The following KICS2 variants were observed in gnomAD, a reference collection of about 807,000 sequenced individuals.
The protein encoded by KICS2 is KICSTOR subunit 2, also known as KICSTOR complex protein C12orf66.
In KICS2, 13 loss-of-function variants were observed where a neutral mutation model predicts 31.4. The observed-to-expected ratio is 0.41, with a 90% CI of 0.27 to 0.66. KICS2 has a LOEUF of 0.66. Ranked by LOEUF, KICS2 falls within the 30% of genes least tolerant of loss-of-function variation. KICS2 has a pLI of 0.28. For missense variants in KICS2, 455 were observed against 545.4 expected (o/e 0.83, Z 1.65); for synonymous variants, 209 against 214.8 (o/e 0.97, Z 0.24).
At chr12:64,214,175 C>T (rs1309437165) in intron 2 of KICS2, among the ~76,000 whole-genome samples, 6 of 152,202 alleles carry the variant, frequency 3.9e-5, no homozygotes. Context: ...CAACCTGGAA[C>T]ACAACTATTC....
intron 2 of KICS2, among the ~76,000 whole-genome samples, chr12:64,212,719 T>C (rs2037592714): frequency 6.6e-6 from 1 of 152,216 alleles, no homozygotes; most frequent in Non-Finnish European, 1.5e-5. Context: ...TTGCTGATCA[T>C]ATGGTAACTA....
intron 2 of KICS2, among the ~76,000 whole-genome samples, chr12:64,199,354 CAT>C (rs1403328074): frequency 1.4e-5 from 1 of 72,672 alleles, no homozygotes; most frequent in African/African-American, 5.0e-5. Flanking sequence ...ACAAAAACCA[CAT>C]GATTATCTCA....
At chr12:64,214,131 T>C (rs1196439065) in intron 2 of KICS2, among the ~76,000 whole-genome samples, 1 of 152,238 alleles carries the variant, frequency 6.6e-6, no homozygotes, top group Non-Finnish European at 1.5e-5. Context: ...CTTTTCATGG[T>C]TCCCCACTGC....
chr12:64,193,911 G>A lies in KICS2; in HGVS notation c.1269C>T (p.Leu423=), dbSNP rs893501920. The change falls in exon 3 of 3, where the codon CTC becomes CTT. Residue 423 remains leucine, a synonymous_variant. Transcript: ENST00000398055. ...TCTTAAGGGCAAGTGAGACCTCATT[G>A]AGGAAGGAAATAAAGTGGGAGTCTC... ...SERDSHFISF[L]NEVSLALKNP... 1.9e-6 allele frequency: 3 copies of A among 1,614,192 alleles called. No individual in the cohort carries two copies. In the Admixed American group the frequency reaches 5.0e-5, roughly 27 times the overall value.
chr12:64,187,494 G>A (rs2037347208), downstream of KICS2: 1 of 742,252 alleles, frequency 1.3e-6, no homozygotes, highest in South Asian at 1.7e-5. Flanking sequence ...ATGCAGACAA[G>A]GCATTAATGA....
At chr12:64,187,262 T>C, downstream of KICS2, 1 of 227,822 alleles carries the variant, frequency 4.4e-6, no homozygotes, top group Non-Finnish European at 8.5e-6. Flanking sequence ...GCAGTCATCT[T>C]TCAGGATGCA....
rs777182409 is a variant in KICS2, at chr12:64,194,415, G to C, written c.765C>G (p.Phe255Leu). ...TGTTTTTGAGTTTCATCAGCCAAAG[G>C]AAAAGGTGTGGAGGCTGCACGGCCT... ...SQKAVQPPHL[F>L]LWLMKLKNML... The change falls in exon 3 of 3, where the codon TTC (phenylalanine) becomes TTG (leucine). Residue 255 changes from phenylalanine (F) to leucine (L), a missense_variant. Coordinates refer to ENST00000398055, the MANE Select transcript of KICS2 (RefSeq NM_152440.5). The C allele has an allele frequency of 4.3e-6, 7 of 1,614,108 alleles. No individual in the cohort carries two copies. In the East Asian group the frequency reaches 1.3e-4, roughly 31 times the overall value.
chr12:64,208,988 T>C (rs763122096), intron 2 of KICS2, among the ~76,000 whole-genome samples: 2 of 151,862 alleles, frequency 1.3e-5, no homozygotes, highest in Non-Finnish European at 2.9e-5. Context: ...AATTTTCTTT[T>C]ATACCCACAA....
chr12:64,194,337 C>G lies in KICS2; in HGVS notation c.843G>C (p.Thr281=), dbSNP rs748065669. Residue 281 remains threonine, a synonymous_variant, in exon 3 of 3, where the codon ACG becomes ACC. Coordinates refer to ENST00000398055, the MANE Select transcript of KICS2 (RefSeq NM_152440.5). The stretch of plus-strand genomic sequence containing the variant: ...TCAACGTTTTCATTTCTGAAGCAGT[C>G]GTTTGTCGGCTCAGAGCCTCATGAA... The part of the protein sequence containing the change: ...FYFHEALSRQ[T]TASEMKTLTA... 35 of 1,614,002 alleles carry G rather than the reference C, an allele frequency of 2.2e-5. No homozygotes were observed. Among genetic ancestry groups the G allele is most frequent in the Admixed American group, 1.0e-4 (6 of 60,004 alleles).
chr12:64,220,398 G>T (rs1183173325), intron 1 of KICS2, among the ~76,000 whole-genome samples: 2 of 152,128 alleles, frequency 1.3e-5, no homozygotes, highest in African/African-American at 4.8e-5. Context: ...TAGAGTAGCA[G>T]ATTTTTTTAA....
intron 1 of KICS2, chr12:64,221,725 C>A: frequency 1.9e-6 from 1 of 530,068 alleles, no homozygotes. Context: ...TTTATGGCAT[C>A]AATCCATGCA....
intron 2 of KICS2, among the ~76,000 whole-genome samples, chr12:64,208,051 C>T (rs1409401193): frequency 6.6e-6 from 1 of 152,160 alleles, no homozygotes; most frequent in African/African-American, 2.4e-5. Context: ...ACTCTGTTGC[C>T]TAGGCTGGAG....
At chr12:64,201,743 T>C (rs2136694481) in intron 2 of KICS2, among the ~76,000 whole-genome samples, 1 of 151,398 alleles carries the variant, frequency 6.6e-6, no homozygotes, top group East Asian at 2.0e-4. Context: ...CTCTGGAGGC[T>C]GAGGCACGAG....
In KICS2 at chr12:64,193,859, G is replaced by C. The variant is rs1336284460; in HGVS notation, c.1321C>G (p.Pro441Ala). ...KNPKVFASLK[P>A]GAKG ...ATCACCTGCTAACCTTTGGCTCCAG[G>C]TTTCAGACTTGCAAACACTTTGGGG... Residue 441 changes from proline to alanine, a missense_variant, in exon 3 of 3, where the codon CCT becomes GCT. By Grantham distance (27) the Pro-to-Ala change is conservative. Coordinates refer to ENST00000398055, the MANE Select transcript of KICS2 (RefSeq NM_152440.5). 13 of 1,613,094 alleles carry C rather than the reference G, an allele frequency of 8.1e-6. No individual in the cohort carries two copies. The highest frequency in any genetic ancestry group is 1.0e-5 in the Non-Finnish European group (12 of 1,179,540).
At chr12:64,218,836 A>G (rs1160152329) in intron 1 of KICS2, among the ~76,000 whole-genome samples, 5 of 152,236 alleles carry the variant, frequency 3.3e-5, no homozygotes, top group African/African-American at 1.2e-4. Context: ...GAAACCAAGT[A>G]AAGTGAAACT....
downstream of KICS2, among the ~76,000 whole-genome samples, chr12:64,188,007 G>T (rs1187857564): frequency 6.6e-6 from 1 of 152,154 alleles, no homozygotes; most frequent in African/African-American, 2.4e-5. Context: ...AGGATTAATT[G>T]TGGTCACCCT....
chr12:64,218,893 C>T (rs1452761270), intron 1 of KICS2, among the ~76,000 whole-genome samples: 1 of 152,148 alleles, frequency 6.6e-6, no homozygotes, highest in Non-Finnish European at 1.5e-5. Flanking sequence ...TCAAACAGTT[C>T]TCTTTTCTCA....
intron 1 of KICS2, chr12:64,221,697 A>G (rs1341813974): frequency 4.3e-6 from 2 of 464,898 alleles, no homozygotes; most frequent in Non-Finnish European, 7.8e-6. Flanking sequence ...ATGAAGACAT[A>G]GTTTGGTTAA....
chr12:64,194,641 A>T lies in KICS2; in HGVS notation c.539T>A (p.Leu180His), dbSNP rs750221764. The T allele has an allele frequency of 4.3e-6, 7 of 1,609,814 alleles. No individual in the cohort carries two copies. In the South Asian group the frequency reaches 7.7e-5, roughly 18 times the overall value. Reference protein sequence around the residue: ...KYSSRFHHPILSPLESSFQLE... With the variant: ...KYSSRFHHPIHSPLESSFQLE... ...CTGGAAACTGCTTTCCAAAGGACTG[A>T]GGATTGGGTGGTGAAATCTAAAGGG... The change falls in exon 3 of 3, where the codon CTC becomes CAC. Residue 180 changes from leucine to histidine, a missense_variant. By Grantham distance (99) the Leu-to-His change is moderately conservative. Coordinates refer to ENST00000398055, the MANE Select transcript of KICS2 (RefSeq NM_152440.5).
Sources: gnomAD v4.1 joint callset for allele counts (sites outside exome capture counted in the v4.1 genomes callset) on GRCh38, gnomAD v4.1.1 for gene constraint, MANE v1.5 for transcripts, NCBI Gene and HGNC (gene_info 2026-07-23, HGNC 2026-07-21) for gene names.